Variants in DLC1 observed in about 807,000 individuals in gnomAD.
The protein encoded by DLC1 is rho GTPase-activating protein 7.
DLC1 carries 54 observed loss-of-function variants against 140.3 expected under a neutral mutation model. That is an observed-to-expected ratio of 0.38 (90% confidence interval 0.31 to 0.48). DLC1 has a LOEUF of 0.48. Ranked by LOEUF, DLC1 falls within the 20% of genes least tolerant of loss-of-function variation. The pLI is 0.96. For missense variants in DLC1, 2,536 were observed against 1,907.0 expected, an observed-to-expected ratio of 1.33 and a Z score of -6.14; for synonymous variants, 986 against 728.1, an observed-to-expected ratio of 1.35 and a Z score of -5.70.
chr8:13,315,479 C>G (rs920913002), intron 4 of DLC1, among the ~76,000 whole-genome samples: 2 of 152,190 alleles, frequency 1.3e-5, no homozygotes, highest in Non-Finnish European at 2.9e-5. Context: ...ATGTCTGAAT[C>G]TATCTATAAA....
At chr8:13,221,127 T>G (rs923860886) in intron 5 of DLC1, among the ~76,000 whole-genome samples, 4 of 152,168 alleles carry the variant, frequency 2.6e-5, no homozygotes, top group Non-Finnish European at 4.4e-5. Context: ...TTCTCAGCCT[T>G]AAACTAAGGT....
intron 5 of DLC1, among the ~76,000 whole-genome samples, chr8:13,238,900 C>G (rs942825751): frequency 6.6e-6 from 1 of 152,172 alleles, no homozygotes; most frequent in South Asian, 2.1e-4. Flanking sequence ...GCTGAGCCTA[C>G]TGTGTGCACT....
At chr8:13,203,168 G>T (rs1428424820) in intron 5 of DLC1, among the ~76,000 whole-genome samples, 1 of 152,090 alleles carries the variant, frequency 6.6e-6, no homozygotes, top group Non-Finnish European at 1.5e-5. Context: ...TGGTATCTAG[G>T]TTGTGTTCAC....
chr8:13,552,580 A>G (rs1803904037), intron 1 of DLC1, among the ~76,000 whole-genome samples: 1 of 151,554 alleles, frequency 6.6e-6, no homozygotes, highest in Non-Finnish European at 1.5e-5. Context: ...GGGCAGTTAT[A>G]TAAATGACTA....
At chr8:13,089,325 A>G (rs536816749) in intron 15 of DLC1, among the ~76,000 whole-genome samples, 1 of 151,750 alleles carries the variant, frequency 6.6e-6, no homozygotes, top group African/African-American at 2.4e-5. Context: ...GAGTGCATGC[A>G]ATAAAGAAAT....
chr8:13,092,331 T>G (rs1818142097), intron 13 of DLC1, among the ~76,000 whole-genome samples: 1 of 152,224 alleles, frequency 6.6e-6, no homozygotes, highest in Non-Finnish European at 1.5e-5. Context: ...GCCCCAGGCC[T>G]CTAGCTAAGA....
intron 4 of DLC1, among the ~76,000 whole-genome samples, chr8:13,318,196 A>AT (rs1832933580): frequency 1.4e-5 from 2 of 147,266 alleles, no homozygotes; most frequent in African/African-American, 5.2e-5. Context: ...AGCTAATTAA[A>AT]ATTTTTTTTT....
chr8:13,603,819 C>A (rs1217571032), intron 1 of DLC1, among the ~76,000 whole-genome samples: 1 of 152,014 alleles, frequency 6.6e-6, no homozygotes, highest in Non-Finnish European at 1.5e-5. Context: ...TCAAAGGCAA[C>A]CGATCATTTC....
chr8:13,582,031 T>C (rs562203462), intron 1 of DLC1, among the ~76,000 whole-genome samples: 17 of 151,926 alleles, frequency 1.1e-4, no homozygotes, highest in Non-Finnish European at 2.1e-4. Context: ...TCCCATGGGG[T>C]CTCTGCAAGA....
chr8:13,569,665 C>A (rs1161621865), intron 1 of DLC1, among the ~76,000 whole-genome samples: 6 of 152,182 alleles, frequency 3.9e-5, no homozygotes, highest in African/African-American at 7.2e-5. Flanking sequence ...GCAAGACTTT[C>A]AGCATACAGT....
intron 4 of DLC1, among the ~76,000 whole-genome samples, chr8:13,331,592 A>C (rs534234569): frequency 2.8e-4 from 42 of 152,248 alleles, no homozygotes; most frequent in African/African-American, 1.0e-3. Context: ...TAATGCTCTC[A>C]AATTTAAAAT....
intron 1 of DLC1, among the ~76,000 whole-genome samples, chr8:13,556,494 C>A (rs992936877): frequency 4.6e-5 from 7 of 152,202 alleles, no homozygotes; most frequent in African/African-American, 1.7e-4. Flanking sequence ...GGGGTCCAGA[C>A]AAGGTGCCTT....
intron 5 of DLC1, among the ~76,000 whole-genome samples, chr8:13,120,356 A>AAAAAAAAAAAAAAAAAATATAT: frequency 1.6e-5 from 1 of 61,124 alleles, no homozygotes; most frequent in African/African-American, 4.2e-5. Context: ...AAAAAAAAAA[A>AAAAAAAAAAAAAAAAAATATAT]ATATATATAT....
At chr8:13,108,371 C>G (rs1448962947) in intron 7 of DLC1, among the ~76,000 whole-genome samples, 2 of 152,146 alleles carry the variant, frequency 1.3e-5, no homozygotes, top group African/African-American at 4.8e-5. Context: ...TTATTCTATG[C>G]AGGAGAGAAA....
intron 2 of DLC1, among the ~76,000 whole-genome samples, chr8:13,478,628 C>T (rs1800546632): frequency 2.0e-5 from 3 of 152,186 alleles, no homozygotes; most frequent in Admixed American, 1.3e-4. Flanking sequence ...CCCATCCCTT[C>T]TCATCAGTTC....
chr8:13,311,895 TATTTAAAGCTGGTGA>T (rs1222791831), intron 4 of DLC1, among the ~76,000 whole-genome samples: 2 of 152,164 alleles, frequency 1.3e-5, no homozygotes, highest in African/African-American at 4.8e-5. Flanking sequence ...ACATTTAATG[TATTTAAAGCTGGTGA>T]CTCTGTCTTC....
chr8:13,305,349 CA>C, intron 4 of DLC1, 47 bp from the exon 5 acceptor site: 2 of 1,519,162 alleles, frequency 1.3e-6, no homozygotes, highest in African/African-American at 1.4e-5. Context: ...GAAGAAACAT[CA>C]GAAAGCATCA....
chr8:13,125,856 T>A (rs1301719099), intron 5 of DLC1, among the ~76,000 whole-genome samples: 1 of 152,056 alleles, frequency 6.6e-6, no homozygotes, highest in Non-Finnish European at 1.5e-5. Context: ...TTCCCTGTGA[T>A]GTGATGACAA....
chr8:13,590,218 C>T (rs1466665173), intron 1 of DLC1, among the ~76,000 whole-genome samples: 1 of 151,990 alleles, frequency 6.6e-6, no homozygotes, highest in Non-Finnish European at 1.5e-5. Flanking sequence ...TCTCAACATC[C>T]TTGAATATCT....
Sources: gnomAD v4.1 joint callset for allele counts (sites outside exome capture counted in the v4.1 genomes callset) on GRCh38, gnomAD v4.1.1 for gene constraint, MANE v1.5 for transcripts, NCBI Gene and HGNC (gene_info 2026-07-23, HGNC 2026-07-21) for gene names.